FSTL5: variants seen among roughly 807,000 people sequenced by gnomAD.
FSTL5 encodes follistatin-related protein 5.
Under a neutral mutation model 89.1 loss-of-function variants are expected in FSTL5, and 62 were observed. The ratio of observed to expected loss-of-function variants is 0.70; its 90% CI spans 0.57 to 0.86. FSTL5 has a LOEUF of 0.86. Ranked by LOEUF, FSTL5 falls within the 40% of genes least tolerant of loss-of-function variation. The pLI is 0.00. For synonymous variants in FSTL5, 383 were observed against 346.2 expected, an observed-to-expected ratio of 1.11 and a Z score of -1.18; for missense variants, 1,057 against 1,001.6, an observed-to-expected ratio of 1.06 and a Z score of -0.75.
At chr4:161,821,059 A>T (rs1412308972) in intron 4 of FSTL5, among the ~76,000 whole-genome samples, 1 of 152,118 alleles carries the variant, frequency 6.6e-6, no homozygotes, top group African/African-American at 2.4e-5. Flanking sequence ...TTGTTTTGAC[A>T]CAGAGTCTCA....
intron 2 of FSTL5, among the ~76,000 whole-genome samples, chr4:162,050,731 A>G (rs1052694713): frequency 2.0e-5 from 3 of 151,412 alleles, no homozygotes; most frequent in African/African-American, 7.2e-5. Context: ...GGGAACTGGA[A>G]AGACATGTTT....
intron 6 of FSTL5, among the ~76,000 whole-genome samples, chr4:161,683,961 T>C (rs1460375575): frequency 6.6e-6 from 1 of 152,190 alleles, no homozygotes; most frequent in Non-Finnish European, 1.5e-5. Context: ...TGCATCCTCA[T>C]AGCTTAGCTC....
intron 4 of FSTL5, among the ~76,000 whole-genome samples, chr4:161,872,898 A>C (rs1469115031): frequency 6.6e-6 from 1 of 152,184 alleles, no homozygotes; most frequent in Non-Finnish European, 1.5e-5. Context: ...TGACTGAAAT[A>C]AAGGAGACTC....
intron 2 of FSTL5, among the ~76,000 whole-genome samples, chr4:162,106,045 A>G (rs1731214077): frequency 6.6e-6 from 1 of 152,136 alleles, no homozygotes; most frequent in African/African-American, 2.4e-5. Context: ...TCACTCTTTA[A>G]TATCGAAAGT....
chr4:161,932,277 TATAAAA>T (rs1734307590), intron 3 of FSTL5, among the ~76,000 whole-genome samples: 1 of 152,002 alleles, frequency 6.6e-6, no homozygotes, highest in African/African-American at 2.4e-5. Context: ...TTCTCTAATA[TATAAAA>T]ATAAGAAATT....
chr4:161,606,551 G>C (rs763465118), intron 7 of FSTL5, among the ~76,000 whole-genome samples: 1 of 152,034 alleles, frequency 6.6e-6, no homozygotes, highest in East Asian at 1.9e-4. Context: ...GAAGTAATGT[G>C]TCATGTATGT....
Position 162,154,835 on chromosome 4 carries a change from G to C in FSTL5, c.-17+8780C>G, listed in dbSNP as rs182517623. Among the ~76,000 whole-genome samples, 9 of 151,844 alleles carry C rather than the reference G, an allele frequency of 5.9e-5. No homozygotes were observed. The East Asian group carries it at 1.8e-3, about 30-fold the overall frequency. ...AGGTTTTTTTTTACACACAGAAGAA[G>C]TTTCTAGGCTTCTTCCTATAAAAGA... On this transcript the variant is annotated intron_variant, in intron 1 of 15. Transcript: ENST00000306100.
intron 1 of FSTL5, among the ~76,000 whole-genome samples, chr4:162,132,597 T>G (rs975846805): frequency 6.6e-6 from 1 of 152,134 alleles, no homozygotes; most frequent in Middle Eastern, 3.2e-3. Context: ...CAAAAATACC[T>G]ACATTTCACA....
chr4:161,628,806 A>T (rs539990448), intron 7 of FSTL5, among the ~76,000 whole-genome samples: 1 of 152,258 alleles, frequency 6.6e-6, no homozygotes, highest in East Asian at 1.9e-4. Flanking sequence ...CAAGATTCAG[A>T]CTACTAATGG....
intron 15 of FSTL5, among the ~76,000 whole-genome samples, chr4:161,389,442 T>C (rs567211165): frequency 6.6e-5 from 10 of 152,282 alleles, no homozygotes; most frequent in African/African-American, 2.2e-4. Context: ...CATTTTCTCT[T>C]TCTGAATGTC....
chr4:161,812,517 A>ACACACAC (rs111603297), intron 4 of FSTL5, among the ~76,000 whole-genome samples: 19 of 151,220 alleles, frequency 1.3e-4, no homozygotes, highest in Admixed American at 6.6e-5. Flanking sequence ...AGTTAAGAAA[A>ACACACAC]ACACACACAC....
intron 12 of FSTL5, among the ~76,000 whole-genome samples, chr4:161,492,849 T>G (rs1274500420): frequency 6.6e-6 from 1 of 152,054 alleles, no homozygotes. Context: ...AATAATTATA[T>G]AGTACATGGA....
At chr4:161,637,599 C>T (rs1385109300) in intron 7 of FSTL5, among the ~76,000 whole-genome samples, 15 of 140,796 alleles carry the variant, frequency 1.1e-4, no homozygotes, top group South Asian at 2.3e-4. Flanking sequence ...GGTTTTAGGT[C>T]TAACGTTTAA....
At chr4:161,838,783 C>T (rs1315015975) in intron 4 of FSTL5, among the ~76,000 whole-genome samples, 2 of 152,084 alleles carry the variant, frequency 1.3e-5, no homozygotes, top group Non-Finnish European at 2.9e-5. Context: ...ATGTAACAAA[C>T]TTATATCTAA....
rs564410647 is a variant in FSTL5 at position 161,777,612 on chromosome 4, CT to C, written c.410-1539del. On this transcript the variant is annotated intron_variant, in intron 4 of 15. Transcript: ENST00000306100. Reference sequence around the variant, plus strand: ...TTCATTCATCTCTTTTTTAGGGCCCCTGGTATATAATGTGATATATATTTGC... The same window carrying C: ...TTCATTCATCTCTTTTTTAGGGCCCCGGTATATAATGTGATATATATTTGC... Among the ~76,000 whole-genome samples the C allele has an allele frequency of 1.6e-4, 24 of 151,992 alleles. No homozygotes were observed. In the South Asian group the frequency reaches 3.9e-3, roughly 25 times the overall value.
rs566795766 is a variant in FSTL5, at chr4:161,900,542, G to A, written c.409+19862C>T. On this transcript the variant is annotated intron_variant, in intron 4 of 15. Transcript: ENST00000306100. ...TAATCCCAGCTACTCAGGAGACTGAGGCAGGAGAATCGCTTGAACCCGGGA... is the reference window on the plus strand; with the variant it reads ...TAATCCCAGCTACTCAGGAGACTGAAGCAGGAGAATCGCTTGAACCCGGGA... 2.7e-5 allele frequency among the ~76,000 whole-genome samples: 4 copies of A among 149,892 alleles called. No individual in the cohort carries two copies. The Admixed American group carries it at 2.7e-4, about 10-fold the overall frequency.
chr4:161,908,532 T>C (rs931727907), intron 4 of FSTL5, among the ~76,000 whole-genome samples: 6 of 152,110 alleles, frequency 3.9e-5, no homozygotes, highest in African/African-American at 1.4e-4. Context: ...TGTTTCTCAA[T>C]TTTTAAAATA....
At chr4:161,602,134 G>A (rs1734265274) in intron 7 of FSTL5, among the ~76,000 whole-genome samples, 1 of 151,638 alleles carries the variant, frequency 6.6e-6, no homozygotes, top group African/African-American at 2.4e-5. Flanking sequence ...AAGCAAAAAA[G>A]TGTTGAAGGA....
intron 4 of FSTL5, among the ~76,000 whole-genome samples, chr4:161,909,222 C>T (rs1384986797): frequency 1.3e-5 from 2 of 152,048 alleles, no homozygotes; most frequent in East Asian, 3.9e-4. Context: ...CTGAAGATCC[C>T]CACCAGGAGC....
Sources: allele counts gnomAD v4.1 joint callset (sites outside exome capture counted in the v4.1 genomes callset), GRCh38; gene constraint gnomAD v4.1.1; transcripts MANE v1.5; gene names NCBI Gene and HGNC (gene_info 2026-07-23, HGNC 2026-07-21).